Variants in ANK2 observed in about 807,000 individuals in gnomAD.
The protein encoded by ANK2 is ankyrin 2, also known as ankyrin-2.
ANK2 carries 83 observed loss-of-function variants against 360.5 expected under a neutral mutation model. That is an observed-to-expected ratio of 0.23 (90% CI 0.19 to 0.28). ANK2 has a LOEUF of 0.28. ANK2 is among the 10% of genes least tolerant of loss of function. The pLI, the probability that ANK2 is intolerant of heterozygous loss-of-function variation, is 1.00. For synonymous variants in ANK2, 1,740 were observed against 1,759.5 expected, an observed-to-expected ratio of 0.99 and a Z score of 0.28; for missense variants, 4,201 against 4,795.7, an observed-to-expected ratio of 0.88 and a Z score of 3.66.
the ANK2 span, among the ~76,000 whole-genome samples, chr4:112,712,618 A>G: frequency 2.7e-4 from 41 of 151,458 alleles, no homozygotes; most frequent in Admixed American, 7.2e-4. Context: ...CGTGTTAGCC[A>G]GGATGGTCTC....
At chr4:112,901,926 T>C (rs2083546835) in intron 1 of ANK2, among the ~76,000 whole-genome samples, 1 of 151,686 alleles carries the variant, frequency 6.6e-6, no homozygotes, top group Non-Finnish European at 1.5e-5. Context: ...TGGAAAGTTA[T>C]TCAACAGCCA....
At position 113,254,518 on chromosome 4, in the gene ANK2, C is replaced by T. The variant is rs2048259239; in HGVS notation, c.991-1217C>T. Among the ~76,000 whole-genome samples the T allele has an allele frequency of 4.6e-5, 7 of 152,228 alleles. No individual in the cohort carries two copies. In the South Asian group the frequency reaches 1.4e-3, roughly 31 times the overall value. ...AACGTCATCAAGCCTTGAATTTCTTCTACACTTTGCAATTATCTTCCCCTC... is the reference window on the plus strand; with the variant it reads ...AACGTCATCAAGCCTTGAATTTCTTTTACACTTTGCAATTATCTTCCCCTC... On this transcript the variant is annotated intron_variant, in intron 10 of 45. Coordinates refer to ENST00000357077, the MANE Select transcript of ANK2 (RefSeq NM_001148.6).
intron 43 of ANK2, among the ~76,000 whole-genome samples, chr4:113,370,907 T>A (rs1037459786): frequency 6.6e-6 from 1 of 152,100 alleles, no homozygotes; most frequent in African/African-American, 2.4e-5. Flanking sequence ...AAGCAAGAAT[T>A]TGCCTTTTAA....
chr4:112,985,026 T>C (rs186297189), intron 2 of ANK2, among the ~76,000 whole-genome samples: 79 of 152,294 alleles, frequency 5.2e-4, no homozygotes, highest in Non-Finnish European at 1.3e-4. Flanking sequence ...AAGTCCGTCA[T>C]CTAGGTTTTA....
In ANK2 at chr4:113,282,779, A is replaced by C; in HGVS notation, c.1986A>C (p.Gly662=). The C allele has an allele frequency of 6.2e-7, 1 of 1,614,020 alleles. No individual in the cohort carries two copies. Among genetic ancestry groups the C allele is most frequent in the Non-Finnish European group, 8.5e-7 (1 of 1,179,964 alleles). Reference sequence around the variant, plus strand: ...AGACAAACATTGTGACAAAGCAAGGAGTAACTCCACTCCATCTGGCCTCGC... The same window carrying C: ...AGACAAACATTGTGACAAAGCAAGGCGTAACTCCACTCCATCTGGCCTCGC... The part of the protein sequence containing the change: ...GAETNIVTKQ[G]VTPLHLASQE... The change falls in exon 18 of 46, where the codon GGA becomes GGC. Residue 662 remains glycine, a synonymous_variant. Transcript: ENST00000357077.
intron 1 of ANK2, among the ~76,000 whole-genome samples, chr4:112,874,536 GGAGGC>G (rs1357927270): frequency 6.6e-6 from 1 of 151,090 alleles, no homozygotes; most frequent in African/African-American, 2.4e-5. Context: ...CAGCTACTTG[GGAGGC>G]TGAGGCAGGA....
intron 37 of ANK2, among the ~76,000 whole-genome samples, chr4:113,351,449 G>C (rs2095409710): frequency 6.6e-6 from 1 of 152,074 alleles, no homozygotes; most frequent in South Asian, 2.1e-4. Flanking sequence ...GAACAAATTT[G>C]TATTGGTATA....
intron 20 of ANK2, among the ~76,000 whole-genome samples, chr4:113,289,215 C>CT (rs33910138): frequency 0.55 from 72,311 of 132,270 alleles, 19,983 homozygotes; most frequent in South Asian, 0.64. Flanking sequence ...ATTTCTTTTT[C>CT]TTTTTTTTTT....
At chr4:112,945,659 A>G (rs1000817806) in intron 2 of ANK2, among the ~76,000 whole-genome samples, 1 of 152,224 alleles carries the variant, frequency 6.6e-6, no homozygotes, top group Non-Finnish European at 1.5e-5. Context: ...ACACGAGTAC[A>G]TTGACAGACA....
intron 1 of ANK2, among the ~76,000 whole-genome samples, chr4:112,867,892 A>G (rs1432841700): frequency 6.6e-6 from 1 of 152,112 alleles, no homozygotes; most frequent in East Asian, 1.9e-4. Flanking sequence ...TGGACATAAC[A>G]TTTTCATTTC....
the ANK2 span, among the ~76,000 whole-genome samples, chr4:112,748,083 T>C: frequency 6.6e-6 from 1 of 152,188 alleles, no homozygotes; most frequent in Non-Finnish European, 1.5e-5. Flanking sequence ...TCCAAGTGAT[T>C]CAATATCTGC....
At chr4:113,299,167 T>G (rs1329214492) in intron 22 of ANK2, among the ~76,000 whole-genome samples, 1 of 152,154 alleles carries the variant, frequency 6.6e-6, no homozygotes, top group Non-Finnish European at 1.5e-5. Context: ...TTGTTTCCAC[T>G]CTTACAAGTA....
At chr4:113,181,468 T>A (rs554332845) in intron 2 of ANK2, among the ~76,000 whole-genome samples, 1 of 152,316 alleles carries the variant, frequency 6.6e-6, no homozygotes, top group Admixed American at 6.5e-5. Context: ...GTGTGTTTAC[T>A]CAGTGGCAGG....
chr4:113,024,627 T>C (rs1270584265), intron 2 of ANK2, among the ~76,000 whole-genome samples: 1 of 152,344 alleles, frequency 6.6e-6, no homozygotes, highest in East Asian at 1.9e-4. Context: ...AATCATTCCC[T>C]TGTGTCTTTG....
chr4:112,861,401 G>A (rs997072030), intron 1 of ANK2, among the ~76,000 whole-genome samples: 6 of 152,130 alleles, frequency 3.9e-5, no homozygotes, highest in South Asian at 4.2e-4. Context: ...TATATTTTCC[G>A]TTGAGACTCA....
At chr4:113,248,130 C>T (rs1006813113) in intron 9 of ANK2, among the ~76,000 whole-genome samples, 8 of 152,172 alleles carry the variant, frequency 5.3e-5, no homozygotes, top group Non-Finnish European at 7.3e-5. Flanking sequence ...TCAATATCTT[C>T]GTACTAGCTA....
rs1462192400 is a variant in ANK2 at position 113,331,972 on chromosome 4, T to G, written c.3126T>G (p.Gly1042=). The part of the protein sequence containing the change: ...EVGPSGAQFL[G]KLHLPTAPPP... ...TCACTGCTGCTTTGGATGTACTCAG[T>G]AAACTTCACCTGCCAACGGCTCCTC... is the stretch of plus-strand genomic sequence containing the variant. The change falls in exon 28 of 46, where the codon GGT becomes GGG. Residue 1042 remains glycine, a splice_region_variant and synonymous_variant. Coordinates refer to ENST00000357077, the MANE Select transcript of ANK2 (RefSeq NM_001148.6). The G allele has an allele frequency of 6.2e-7, 1 of 1,613,640 alleles. No homozygotes were observed. Among genetic ancestry groups the G allele is most frequent in the East Asian group, 2.2e-5 (1 of 44,898 alleles).
intron 4 of ANK2, among the ~76,000 whole-genome samples, chr4:113,213,482 TAA>T (rs1003781960): frequency 9.2e-5 from 14 of 152,224 alleles, no homozygotes; most frequent in African/African-American, 3.1e-4. Context: ...GTCTCAAATA[TAA>T]GTCTTGAGAA....
At chr4:112,940,299 G>A (rs1245899295) in intron 2 of ANK2, among the ~76,000 whole-genome samples, 3 of 152,102 alleles carry the variant, frequency 2.0e-5, no homozygotes, top group South Asian at 2.1e-4. Context: ...AGTCAGATAC[G>A]TATTAATTTG....
Sources: allele counts gnomAD v4.1 joint callset (sites outside exome capture counted in the v4.1 genomes callset), GRCh38; gene constraint gnomAD v4.1.1; transcripts MANE v1.5; gene names NCBI Gene and HGNC (gene_info 2026-07-23, HGNC 2026-07-21).